ASB4: variants seen among roughly 807,000 people sequenced by gnomAD.
ASB4 encodes ankyrin repeat and SOCS box containing 4.
ASB4 carries 35 observed loss-of-function variants against 38.6 expected under a neutral mutation model. The observed-to-expected ratio is 0.91, with a 90% CI of 0.69 to 1.20. ASB4 has a LOEUF of 1.20. ASB4 is among the 50% of genes most tolerant of loss of function. The pLI is 0.00. For synonymous variants in ASB4, 195 were observed against 201.3 expected (o/e 0.97, Z 0.26); for missense variants, 557 against 527.2 (o/e 1.06, Z -0.55).
At chr7:95,506,190 A>T (rs1300195177) in intron 2 of ASB4, among the ~76,000 whole-genome samples, 1 of 152,208 alleles carries the variant, frequency 6.6e-6, no homozygotes, top group Admixed American at 6.5e-5. Context: ...GAGGCATTGT[A>T]CCTGGTCAGA....
chr7:95,540,748 G>A (rs1368895176), downstream of ASB4, among the ~76,000 whole-genome samples: 1 of 152,162 alleles, frequency 6.6e-6, no homozygotes, highest in Non-Finnish European at 1.5e-5. Flanking sequence ...CTCCTTCTTA[G>A]GAACTAGACA....
intron 1 of ASB4, among the ~76,000 whole-genome samples, chr7:95,493,692 C>A (rs138319200): frequency 1.3e-5 from 2 of 152,146 alleles, no homozygotes; most frequent in African/African-American, 4.8e-5. Context: ...GATCCCCCAA[C>A]CCCCCAGTTC....
At chr7:95,491,875 T>C (rs1367980004) in intron 1 of ASB4, among the ~76,000 whole-genome samples, 1 of 152,194 alleles carries the variant, frequency 6.6e-6, no homozygotes, top group African/African-American at 2.4e-5. Context: ...GGCTGCTCTT[T>C]TCTCTGCTCA....
chr7:95,517,550 A>T (rs1220493545), intron 2 of ASB4, among the ~76,000 whole-genome samples: 1 of 152,138 alleles, frequency 6.6e-6, no homozygotes, highest in Non-Finnish European at 1.5e-5. Context: ...CAGAAAAATC[A>T]TCACAGACTT....
chr7:95,515,618 G>A (rs1365453261), intron 2 of ASB4, among the ~76,000 whole-genome samples: 2 of 152,040 alleles, frequency 1.3e-5, no homozygotes, highest in South Asian at 2.1e-4. Flanking sequence ...GTTTCCCCAT[G>A]TTGACCAGGA....
intron 1 of ASB4, among the ~76,000 whole-genome samples, chr7:95,490,770 T>C (rs978379187): frequency 6.6e-6 from 1 of 152,264 alleles, no homozygotes; most frequent in Non-Finnish European, 1.5e-5. Flanking sequence ...TACCCAGCTA[T>C]TGGGGCATAT....
Position 95,495,943 on chromosome 7 carries a change from A to G in ASB4, c.373A>G (p.Ile125Val). The G allele has an allele frequency of 6.2e-7, 1 of 1,614,096 alleles. No homozygotes were observed. Among genetic ancestry groups the G allele is most frequent in the Non-Finnish European group, 8.5e-7 (1 of 1,179,994 alleles). ...AATGGCCAATGTGGATTGTGTTAAG[A>G]TCCTCTGTGATCGTGGGGCAAAGCT... ...CEMANVDCVK[I>V]LCDRGAKLNC... Residue 125 changes from isoleucine to valine, a missense_variant, in exon 2 of 5, where the codon ATC (isoleucine) becomes GTC (valine). By Grantham distance (29) the Ile-to-Val change is conservative. Transcript: ENST00000325885.
chr7:95,517,832 C>T (rs181842002), intron 2 of ASB4, among the ~76,000 whole-genome samples: 35 of 151,440 alleles, frequency 2.3e-4, no homozygotes, highest in African/African-American at 8.5e-4. Flanking sequence ...TCAAGGAGTT[C>T]AAACAAAAAG....
intron 1 of ASB4, 85 bp downstream of exon 1, chr7:95,486,243 GT>G: frequency 3.0e-6 from 3 of 1,010,206 alleles, no homozygotes; most frequent in South Asian, 2.1e-5. Context: ...CTAAACAGTA[GT>G]TTTTATTGTT....
In ASB4 at chr7:95,494,876, A is replaced by C. The variant is rs150914749; in HGVS notation, c.188-882A>C. The stretch of plus-strand genomic sequence containing the variant: ...CACATTTCCAAAAACCAATGGGAAA[A>C]ATTATTGAAGATCTCAGTTCTAGGC... On this transcript the variant is annotated intron_variant, in intron 1 of 4. Transcript: ENST00000325885. Among the ~76,000 whole-genome samples, 228 of 152,296 alleles carry C rather than the reference A, an allele frequency of 1.5e-3. 2 individuals carry two copies. Among genetic ancestry groups the C allele is most frequent in the African/African-American group, 5.0e-3 (208 of 41,580 alleles).
chr7:95,479,075 C>G (rs966876476), intron 1 of ASB4, among the ~76,000 whole-genome samples: 1 of 152,184 alleles, frequency 6.6e-6, no homozygotes, highest in Non-Finnish European at 1.5e-5. Flanking sequence ...GTCCAGGACA[C>G]TGTGTTCCAT....
chr7:95,533,631 G>GT (rs1790849045), intron 3 of ASB4, among the ~76,000 whole-genome samples: 1 of 152,038 alleles, frequency 6.6e-6, no homozygotes, highest in Non-Finnish European at 1.5e-5. Flanking sequence ...CATGTCTGGT[G>GT]TTTTTTTGAC....
chr7:95,474,400 T>C (rs946729126), upstream of ASB4, among the ~76,000 whole-genome samples: 3 of 152,250 alleles, frequency 2.0e-5, no homozygotes, highest in Admixed American at 1.3e-4. Context: ...TGCTCACTTA[T>C]CAATTTGTTT....
At chr7:95,515,167 C>CTCTTTTT (rs1554349188) in intron 2 of ASB4, among the ~76,000 whole-genome samples, 1 of 89,756 alleles carries the variant, frequency 1.1e-5, no homozygotes, top group Non-Finnish European at 2.3e-5. Flanking sequence ...CTTTCTCTTT[C>CTCTTTTT]TCTTTCTTTC....
chr7:95,480,859 T>A (rs944684370), intron 1 of ASB4, among the ~76,000 whole-genome samples: 14 of 152,230 alleles, frequency 9.2e-5, no homozygotes, highest in African/African-American at 3.4e-4. Context: ...ATACAGTGTC[T>A]GGCTCATAGT....
intron 1 of ASB4, among the ~76,000 whole-genome samples, chr7:95,493,390 G>A (rs1244687098): frequency 3.5e-4 from 17 of 48,258 alleles, no homozygotes; most frequent in African/African-American, 6.7e-4. Context: ...GTGTGTGTGT[G>A]TATGTGTGTG....
At chr7:95,493,680 C>T (rs1175935598) in intron 1 of ASB4, among the ~76,000 whole-genome samples, 1 of 151,984 alleles carries the variant, frequency 6.6e-6, no homozygotes, top group African/African-American at 2.4e-5. Flanking sequence ...CATTTCTGTC[C>T]TGATCCCCCA....
At chr7:95,499,863 CT>C (rs1790307633) in intron 2 of ASB4, among the ~76,000 whole-genome samples, 2 of 137,236 alleles carry the variant, frequency 1.5e-5, no homozygotes, top group African/African-American at 2.7e-5. Flanking sequence ...GGGATACATC[CT>C]CTTTTTTTTT....
At chr7:95,512,371 A>G (rs1359507996) in intron 2 of ASB4, among the ~76,000 whole-genome samples, 1 of 152,196 alleles carries the variant, frequency 6.6e-6, no homozygotes, top group Non-Finnish European at 1.5e-5. Context: ...GCAAGGCTTT[A>G]TGGATTATGT....
Sources: allele counts gnomAD v4.1 joint callset (sites outside exome capture counted in the v4.1 genomes callset), GRCh38; gene constraint gnomAD v4.1.1; transcripts MANE v1.5; gene names NCBI Gene and HGNC (gene_info 2026-07-23, HGNC 2026-07-21).